Variants in SMYD3 observed in about 807,000 individuals in gnomAD.
SMYD3 encodes SET and MYND domain containing 3.
In SMYD3, 36 loss-of-function variants were observed where a neutral mutation model predicts 57.7. The observed-to-expected ratio is 0.62, with a 90% confidence interval of 0.48 to 0.82. The LOEUF (loss-of-function observed/expected upper bound fraction) is 0.82, where lower values mean the gene tolerates loss of function less well. Among genes scored for constraint, SMYD3 ranks in the 40% least tolerant of loss-of-function variants. The probability of loss-of-function intolerance (pLI) is 0.00; values close to 1 mark genes in which losing one functional copy is unlikely to be tolerated. For synonymous variants in SMYD3, 211 were observed against 195.0 expected (o/e 1.08, Z -0.68); for missense variants, 515 against 538.8 (o/e 0.96, Z 0.44).
intron 1 of SMYD3, among the ~76,000 whole-genome samples, chr1:246,453,318 T>C (rs559007467): frequency 6.6e-6 from 1 of 152,190 alleles, no homozygotes; most frequent in Non-Finnish European, 1.5e-5. Flanking sequence ...TATCCATATA[T>C]GCAGATGATA....
At chr1:246,415,338 A>G (rs1329128570) in intron 1 of SMYD3, among the ~76,000 whole-genome samples, 1 of 152,150 alleles carries the variant, frequency 6.6e-6, no homozygotes, top group African/African-American at 2.4e-5. Context: ...CTCACCCCCC[A>G]CTTCTAATAT....
intron 5 of SMYD3, among the ~76,000 whole-genome samples, chr1:246,238,516 T>C (rs990691938): frequency 3.9e-5 from 6 of 152,176 alleles, no homozygotes; most frequent in African/African-American, 1.4e-4. Context: ...TATAATTATA[T>C]ATCTATTACT....
rs146011743 is a variant in SMYD3 at position 245,766,264 on chromosome 1, G to A, written c.1077-2115C>T. Among the ~76,000 whole-genome samples, 6 of 151,916 alleles carry A rather than the reference G, an allele frequency of 3.9e-5. No homozygotes were observed. The East Asian group carries it at 7.8e-4, about 20-fold the overall frequency. Reference sequence around the variant, plus strand: ...CTAAAAATACAAAATTTAGCTGGACGTGGTGGCAGGCGCCTGTAGTCCCAG... The same window carrying A: ...CTAAAAATACAAAATTTAGCTGGACATGGTGGCAGGCGCCTGTAGTCCCAG... On this transcript the variant is annotated intron_variant, in intron 10 of 11. Coordinates refer to ENST00000490107, the MANE Select transcript of SMYD3 (RefSeq NM_001167740.2).
At chr1:246,448,704 T>TAAAAAAA (rs1553349829) in intron 1 of SMYD3, among the ~76,000 whole-genome samples, 30 of 81,446 alleles carry the variant, frequency 3.7e-4, no homozygotes, top group African/African-American at 1.5e-3. Flanking sequence ...CTCTTTTTTT[T>TAAAAAAA]AAAAAAAAAA....
At chr1:246,171,343 T>C (rs1299394333) in intron 5 of SMYD3, among the ~76,000 whole-genome samples, 4 of 152,230 alleles carry the variant, frequency 2.6e-5, no homozygotes, top group Non-Finnish European at 1.5e-5. Flanking sequence ...TGATTCACCT[T>C]TGCATATCCT....
chr1:245,762,690 G>A (rs999902323), intron 11 of SMYD3, among the ~76,000 whole-genome samples: 38 of 152,304 alleles, frequency 2.5e-4, no homozygotes, highest in African/African-American at 8.4e-4. Context: ...AAGTAAAGGC[G>A]CTATGGCTAG....
chr1:246,395,787 G>A (rs543416027), intron 1 of SMYD3, among the ~76,000 whole-genome samples: 4 of 151,840 alleles, frequency 2.6e-5, no homozygotes, highest in Admixed American at 2.6e-4. Context: ...ACCATGGTCA[G>A]ACAGGGAAGA....
intron 2 of SMYD3, among the ~76,000 whole-genome samples, chr1:246,345,233 A>C (rs2065694053): frequency 6.6e-6 from 1 of 152,234 alleles, no homozygotes; most frequent in South Asian, 2.1e-4. Flanking sequence ...CCTAAATCTT[A>C]TTAAATCTAG....
At chr1:246,111,934 A>C (rs1458714782) in intron 5 of SMYD3, among the ~76,000 whole-genome samples, 1 of 152,178 alleles carries the variant, frequency 6.6e-6, no homozygotes. Flanking sequence ...CTGGAGCAAT[A>C]TTATTTGTTT....
intron 1 of SMYD3, among the ~76,000 whole-genome samples, chr1:246,362,541 G>A (rs954603775): frequency 1.8e-4 from 27 of 152,018 alleles, no homozygotes; most frequent in African/African-American, 6.0e-4. Context: ...CTGCCATCTC[G>A]GCTCACTGCA....
At chr1:245,823,089 T>C (rs887381324) in intron 10 of SMYD3, among the ~76,000 whole-genome samples, 5 of 152,150 alleles carry the variant, frequency 3.3e-5, no homozygotes, top group Non-Finnish European at 7.4e-5. Flanking sequence ...GACGAGGGAG[T>C]GCTCAGTTCT....
chr1:246,022,407 C>T (rs764431935), intron 5 of SMYD3, among the ~76,000 whole-genome samples: 2 of 152,130 alleles, frequency 1.3e-5, no homozygotes, highest in Admixed American at 1.3e-4. Context: ...GGGGTAAGAA[C>T]GTGGGTTCTG....
chr1:246,225,563 G>C (rs2063319214), intron 5 of SMYD3, among the ~76,000 whole-genome samples: 1 of 152,146 alleles, frequency 6.6e-6, no homozygotes, highest in African/African-American at 2.4e-5. Context: ...TAGAGCACAG[G>C]AGAGCGAGCC....
At chr1:245,903,237 G>T (rs77863707) in intron 8 of SMYD3, among the ~76,000 whole-genome samples, 15,014 of 152,116 alleles carry the variant, frequency 0.099, 864 homozygotes, top group East Asian at 0.28. Context: ...AGATCATGAA[G>T]AAGGAATTTC....
chr1:246,220,485 A>G lies in SMYD3; in HGVS notation c.531+106716T>C, dbSNP rs576855629. On this transcript the variant is annotated intron_variant, in intron 5 of 11. Transcript: ENST00000490107. ...CAGCTGTGGATCCAGACATCCCTGC[A>G]CTTTGGGGGGCCCAGGAAGGCCCCT... Among the ~76,000 whole-genome samples, 12 of 152,182 alleles carry G rather than the reference A, an allele frequency of 7.9e-5. No individual in the cohort carries two copies. In the South Asian group the frequency reaches 2.5e-3, roughly 32 times the overall value.
intron 5 of SMYD3, among the ~76,000 whole-genome samples, chr1:245,981,577 CCAAA>C (rs1336866959): frequency 6.6e-6 from 1 of 152,034 alleles, no homozygotes; most frequent in Non-Finnish European, 1.5e-5. Flanking sequence ...CTGTCAGAAA[CCAAA>C]CATTTATAAA....
At chr1:246,326,432 TC>T in intron 5 of SMYD3, 1 of 675,588 alleles carries the variant, frequency 1.5e-6, no homozygotes, top group Admixed American at 2.4e-5. Context: ...ATCGCACTCT[TC>T]CTCCCTAGGC....
intron 1 of SMYD3, among the ~76,000 whole-genome samples, chr1:246,489,733 T>C (rs2068240515): frequency 6.6e-6 from 1 of 152,212 alleles, no homozygotes; most frequent in South Asian, 2.1e-4. Flanking sequence ...ATATTTAAAA[T>C]GCAACTCAGC....
chr1:246,291,172 T>C (rs2064682570), intron 5 of SMYD3, among the ~76,000 whole-genome samples: 1 of 152,204 alleles, frequency 6.6e-6, no homozygotes, highest in African/African-American at 2.4e-5. Flanking sequence ...AAATTATGTA[T>C]ACAGCTTGCT....
Sources: gnomAD v4.1 joint callset for allele counts (sites outside exome capture counted in the v4.1 genomes callset) on GRCh38, gnomAD v4.1.1 for gene constraint, MANE v1.5 for transcripts, NCBI Gene and HGNC (gene_info 2026-07-23, HGNC 2026-07-21) for gene names.